Variants in CTPS2 observed in about 807,000 individuals in gnomAD.
CTPS2 encodes the protein CTP synthase II.
A neutral mutation model predicts 46.8 loss-of-function variants in CTPS2; 19 were observed. That is an observed-to-expected ratio of 0.41 (90% CI 0.28 to 0.60). The LOEUF (loss-of-function observed/expected upper bound fraction) is 0.60. CTPS2 is among the 20% of genes least tolerant of loss of function. The pLI is 0.35. For missense variants in CTPS2, 286 were observed against 447.6 expected (o/e 0.64, Z 3.26); for synonymous variants, 151 against 165.2 (o/e 0.91, Z 0.66).
At chrX:16,626,902 AC>A (rs1171110110) in intron 14 of CTPS2, 6 of 112,660 alleles carry the variant, frequency 5.3e-5, no homozygotes, top group African/African-American at 1.6e-4. Flanking sequence ...GGAAGCTATC[AC>A]CCACATAGCT....
intron 17 of CTPS2, among the ~76,000 whole-genome samples, chrX:16,608,785 G>A (rs1930116101): frequency 9.0e-6 from 1 of 111,357 alleles, no homozygotes; most frequent in African/African-American, 3.3e-5. Context: ...CTGAAACAAA[G>A]TCAAATTACT....
At chrX:16,613,034 C>A (rs1324690727) in intron 16 of CTPS2, among the ~76,000 whole-genome samples, 1 of 111,985 alleles carries the variant, frequency 8.9e-6, no homozygotes, top group Non-Finnish European at 1.9e-5. Context: ...GACTTCAATT[C>A]TCCCCTCTGC....
At position 16,698,346 on chromosome X, in the gene CTPS2, G is replaced by A; in HGVS notation, c.338-10C>T. The A allele has an allele frequency of 8.9e-7, 1 of 1,129,873 alleles. No homozygotes were observed. The highest frequency in any genetic ancestry group is 1.2e-6 in the Non-Finnish European group (1 of 822,214). The allele number at this position is 1,129,873 out of a possible 1,213,427, so 93.1% of individuals were successfully genotyped here. On this transcript the variant is annotated splice_polypyrimidine_tract_variant and intron_variant, in intron 3 of 18. Transcript: ENST00000359276. ...GTAATGTGAGGGACAACTGTAGAAA[G>A]AAGTATTAATACAAAAGTTTATTCC... is the stretch of plus-strand genomic sequence containing the variant.
intron 16 of CTPS2, among the ~76,000 whole-genome samples, chrX:16,615,319 A>G (rs1930475214): frequency 9.0e-6 from 1 of 111,514 alleles, no homozygotes; most frequent in Non-Finnish European, 1.9e-5. Context: ...AGCCTGGGTG[A>G]CAGAGCTAGA....
chrX:16,605,906 T>G, intron 17 of CTPS2, among the ~76,000 whole-genome samples: 1 of 112,550 alleles, frequency 8.9e-6, no homozygotes, highest in South Asian at 3.7e-4. Flanking sequence ...TATTGTGCCC[T>G]TGAACTGCCC....
chrX:16,646,716 C>T (rs1239628785), intron 13 of CTPS2, among the ~76,000 whole-genome samples: 1 of 112,023 alleles, frequency 8.9e-6, no homozygotes, highest in East Asian at 2.8e-4. Context: ...TTTGCAGGGA[C>T]CAGGTACTAA....
intron 3 of CTPS2, among the ~76,000 whole-genome samples, 184 bp downstream of exon 3, chrX:16,698,739 T>TG (rs1259968590): frequency 3.6e-5 from 4 of 110,943 alleles, no homozygotes; most frequent in African/African-American, 1.3e-4. Flanking sequence ...TTAGTAGAGA[T>TG]GGGGTTTCAC....
At chrX:16,709,713 G>T (rs1378515466) in intron 1 of CTPS2, among the ~76,000 whole-genome samples, 3 of 108,251 alleles carry the variant, frequency 2.8e-5, no homozygotes, top group Non-Finnish European at 5.7e-5. Context: ...GCCAGGCGTG[G>T]TGGCACCCAC....
At chrX:16,709,513 GT>G (rs1246234696) in intron 1 of CTPS2, among the ~76,000 whole-genome samples, 2 of 110,010 alleles carry the variant, frequency 1.8e-5, no homozygotes, top group Non-Finnish European at 3.8e-5. Context: ...TATTGACTAT[GT>G]TTTTTTAAAC....
chrX:16,648,418 G>A (rs1036446411), intron 13 of CTPS2, among the ~76,000 whole-genome samples: 2 of 111,960 alleles, frequency 1.8e-5, no homozygotes, highest in African/African-American at 6.5e-5. Flanking sequence ...GAATCTAGTC[G>A]AAAGGCAGAC....
intron 17 of CTPS2, among the ~76,000 whole-genome samples, chrX:16,595,910 C>T (rs903243431): frequency 1.8e-5 from 2 of 112,610 alleles, no homozygotes; most frequent in Non-Finnish European, 3.8e-5. Context: ...TGCTCTGTCA[C>T]CCAGGCTGGA....
intron 13 of CTPS2, among the ~76,000 whole-genome samples, chrX:16,665,044 A>G (rs1283266062): frequency 1.8e-5 from 2 of 112,683 alleles, no homozygotes; most frequent in African/African-American, 6.4e-5. Flanking sequence ...AAAGATGCTC[A>G]ACATCCTTAG....
At position 16,698,927 on chromosome X, in the gene CTPS2, C is replaced by G. The variant is rs1391900364; in HGVS notation, c.333G>C (p.Val111=). The part of the protein sequence containing the change: ...ERRGDYLGKT[V]QVVPHITDAV... ...AATGTCTGTGGAATATAATACCTTG[C>G]ACTGTTTTCCCCAGGTAATCACCAC... The change falls in exon 3 of 19, where the codon GTG becomes GTC. Residue 111 remains valine (V), a synonymous_variant. Coordinates refer to ENST00000359276, the MANE Select transcript of CTPS2 (RefSeq NM_175859.3). 4 of 1,196,116 alleles carry G rather than the reference C, an allele frequency of 3.3e-6. No individual in the cohort carries two copies. In the African/African-American group the frequency reaches 7.0e-5, roughly 21 times the overall value.
rs149757610 is a variant in CTPS2 at position 16,707,802 on chromosome X, G to T, written c.-40+4533C>A. On this transcript the variant is annotated intron_variant, in intron 1 of 18. Transcript: ENST00000359276. ...ATCCTGGTCAGCGTGGCGAAACAATGTCTCTACTAAAAATATAAAAAGTAG... is the reference window on the plus strand; with the variant it reads ...ATCCTGGTCAGCGTGGCGAAACAATTTCTCTACTAAAAATATAAAAAGTAG... Among the ~76,000 whole-genome samples the T allele has an allele frequency of 5.4e-3, 604 of 111,634 alleles. 5 individuals carry two copies. The highest frequency in any genetic ancestry group is 0.019 in the African/African-American group (569 of 30,733).
At chrX:16,618,136 TATCCCAC>T (rs1930632233) in intron 15 of CTPS2, among the ~76,000 whole-genome samples, 1 of 111,736 alleles carries the variant, frequency 8.9e-6, no homozygotes, top group Admixed American at 9.5e-5. Context: ...CACTAATCTA[TATCCCAC>T]ATCTATAGCT....
In CTPS2 at chrX:16,639,068, A is replaced by T. The variant is rs751611696; in HGVS notation, c.1393+79T>A. 28 of 781,184 alleles carry T rather than the reference A, an allele frequency of 3.6e-5. No individual in the cohort carries two copies. In the African/African-American group the frequency reaches 5.3e-4, roughly 15 times the overall value. 64.4% of individuals were successfully genotyped at this position (781,184 alleles called of 1,213,427 possible). ...GCTGGAAGGGGCAGGGGGAGTCTCC[A>T]CCACCCAGAGTGCTGGGCACCTGCA... On this transcript the variant is annotated intron_variant, in intron 14 of 18. Coordinates refer to ENST00000359276, the MANE Select transcript of CTPS2 (RefSeq NM_175859.3).
chrX:16,641,732 T>C (rs1037581702), intron 13 of CTPS2, among the ~76,000 whole-genome samples: 1 of 112,015 alleles, frequency 8.9e-6, no homozygotes, highest in Non-Finnish European at 1.9e-5. Flanking sequence ...CAAGACCTTG[T>C]CTCAAAAATG....
chrX:16,662,631 T>C (rs543796054), intron 13 of CTPS2, among the ~76,000 whole-genome samples: 1 of 110,984 alleles, frequency 9.0e-6, no homozygotes, highest in South Asian at 3.9e-4. Context: ...TAACTGTTAT[T>C]TGCTCAAGCT....
intron 1 of CTPS2, among the ~76,000 whole-genome samples, chrX:16,707,999 A>AAGAG (rs200341208): frequency 3.6e-5 from 4 of 110,117 alleles, no homozygotes; most frequent in African/African-American, 1.3e-4. Context: ...AAAAAATAAA[A>AAGAG]AGAGAGAGAG....
Sources: gnomAD v4.1 joint callset for allele counts (sites outside exome capture counted in the v4.1 genomes callset) on GRCh38, gnomAD v4.1.1 for gene constraint, MANE v1.5 for transcripts, NCBI Gene and HGNC (gene_info 2026-07-23, HGNC 2026-07-21) for gene names.